Variants in NAV3 observed in about 807,000 individuals in gnomAD.
NAV3 encodes pore membrane and/or filament interacting like protein 1.
NAV3 carries 87 observed loss-of-function variants against 244.7 expected under a neutral mutation model. The ratio of observed to expected loss-of-function variants is 0.36; its 90% CI spans 0.30 to 0.42. The LOEUF (loss-of-function observed/expected upper bound fraction) is 0.42, where lower values mean the gene tolerates loss of function less well. Ranked by LOEUF, NAV3 falls within the 20% of genes least tolerant of loss-of-function variation. The pLI is 1.00. For synonymous variants in NAV3, 1,126 were observed against 1,042.2 expected (o/e 1.08, Z -1.55); for missense variants, 2,663 against 2,893.3 (o/e 0.92, Z 1.83).
chr12:77,836,558 CAG>C (rs1160219835), intron 1 of NAV3, among the ~76,000 whole-genome samples: 1 of 119,300 alleles, frequency 8.4e-6, no homozygotes, highest in Non-Finnish European at 1.5e-5. Context: ...GAGAAATAAA[CAG>C]AGAGAGTAGG....
At chr12:77,841,904 T>C (rs1000676859) in intron 1 of NAV3, among the ~76,000 whole-genome samples, 10 of 152,200 alleles carry the variant, frequency 6.6e-5, no homozygotes, top group African/African-American at 2.4e-4. Flanking sequence ...CTCTATTTCA[T>C]TGGTCAGAAC....
At chr12:77,898,806 C>A (rs1029706609) in intron 1 of NAV3, among the ~76,000 whole-genome samples, 1 of 152,196 alleles carries the variant, frequency 6.6e-6, no homozygotes, top group African/African-American at 2.4e-5. Context: ...AGTGATTCCT[C>A]TGATGGATCT....
At chr12:77,702,555 G>C (rs1450315824) in intron 2 of NAV3, among the ~76,000 whole-genome samples, 5 of 151,866 alleles carry the variant, frequency 3.3e-5, no homozygotes, top group Non-Finnish European at 7.4e-5. Context: ...CATAAAAACA[G>C]ATTTGAATTT....
At position 78,147,040 on chromosome 12, in the gene NAV3, T is replaced by C. The variant is rs1351869747; in HGVS notation, c.4707+648T>C. 2.6e-5 allele frequency among the ~76,000 whole-genome samples: 4 copies of C among 152,198 alleles called. No homozygotes were observed. In the East Asian group the frequency reaches 7.7e-4, roughly 29 times the overall value. ...CAAGGTGAGGTAATGGCTGTTTGAT[T>C]GGTTTACACTGAGGCAATCAGACAA... On this transcript the variant is annotated intron_variant, in intron 21 of 39. Coordinates refer to ENST00000397909, the MANE Select transcript of NAV3 (RefSeq NM_001024383.2).
intron 1 of NAV3, among the ~76,000 whole-genome samples, chr12:77,859,705 G>A (rs1878939949): frequency 8.4e-6 from 1 of 118,896 alleles, no homozygotes; most frequent in Non-Finnish European, 1.6e-5. Flanking sequence ...ACATGCATAG[G>A]AATGGAATCC....
chr12:77,584,306 C>T (rs1451944070), intron 2 of NAV3, among the ~76,000 whole-genome samples: 2 of 152,000 alleles, frequency 1.3e-5, no homozygotes, highest in African/African-American at 4.8e-5. Context: ...ACCATTAATT[C>T]AGCAAATGTC....
intron 2 of NAV3, among the ~76,000 whole-genome samples, chr12:77,741,629 A>C (rs1868339620): frequency 6.6e-6 from 1 of 152,144 alleles, no homozygotes; most frequent in African/African-American, 2.4e-5. Flanking sequence ...TGATAAATAG[A>C]AGATTTGCAT....
chr12:78,039,209 A>C (rs972754865), intron 9 of NAV3, among the ~76,000 whole-genome samples: 10 of 152,124 alleles, frequency 6.6e-5, no homozygotes, highest in African/African-American at 1.9e-4. Context: ...AAGTTGTTGA[A>C]TATATCTACG....
At chr12:78,094,655 A>T (rs1954136178) in intron 12 of NAV3, among the ~76,000 whole-genome samples, 1 of 152,204 alleles carries the variant, frequency 6.6e-6, no homozygotes. Context: ...AATATGATGA[A>T]CATTGAGGAA....
chr12:77,824,726 C>A (rs1372972356), intron 2 of NAV3, among the ~76,000 whole-genome samples: 1 of 151,784 alleles, frequency 6.6e-6, no homozygotes, highest in African/African-American at 2.4e-5. Context: ...AACCCTGTAT[C>A]TACTAAAAAC....
intron 2 of NAV3, among the ~76,000 whole-genome samples, chr12:77,716,040 T>C (rs995005423): frequency 6.6e-6 from 1 of 152,180 alleles, no homozygotes; most frequent in South Asian, 2.1e-4. Context: ...GTGTTAGATT[T>C]ACAATTGTGC....
At chr12:77,994,453 A>C (rs1271802130) in intron 5 of NAV3, among the ~76,000 whole-genome samples, 1 of 69,304 alleles carries the variant, frequency 1.4e-5, no homozygotes, top group Non-Finnish European at 2.7e-5. Flanking sequence ...ATGTCAGTGA[A>C]ACTTTAGTTT....
chr12:78,021,255 C>G (rs1303749470), intron 8 of NAV3, among the ~76,000 whole-genome samples: 1 of 152,000 alleles, frequency 6.6e-6, no homozygotes, highest in Non-Finnish European at 1.5e-5. Flanking sequence ...ACTTTAATTG[C>G]TCTGAAATCT....
At chr12:77,969,784 C>T (rs930022815) in intron 5 of NAV3, among the ~76,000 whole-genome samples, 13 of 152,186 alleles carry the variant, frequency 8.5e-5, no homozygotes, top group African/African-American at 2.4e-4. Context: ...GCAGAGGTTG[C>T]GGTGAGCCAA....
chr12:77,903,560 A>T (rs1462703032), intron 1 of NAV3, among the ~76,000 whole-genome samples: 2 of 152,242 alleles, frequency 1.3e-5, no homozygotes, highest in East Asian at 3.9e-4. Context: ...AACCTAGGCA[A>T]CACCATTCAG....
At chr12:78,122,551 GA>G (rs1955721268) in intron 16 of NAV3, 123 bp downstream of exon 16, 1 of 1,200,542 alleles carries the variant, frequency 8.3e-7, no homozygotes, top group South Asian at 1.7e-5. Flanking sequence ...ATGTAAGACT[GA>G]TGAAACCGGG....
intron 34 of NAV3, among the ~76,000 whole-genome samples, chr12:78,196,776 A>G (rs1425156007): frequency 6.6e-6 from 1 of 151,950 alleles, no homozygotes; most frequent in Non-Finnish European, 1.5e-5. Flanking sequence ...TAGAATTAAC[A>G]CATTAAAAAT....
intron 2 of NAV3, among the ~76,000 whole-genome samples, chr12:77,799,435 C>A (rs77835597): frequency 4.7e-4 from 71 of 152,164 alleles, no homozygotes; most frequent in African/African-American, 1.7e-3. Context: ...AGAATTATTG[C>A]CCAATTTTAA....
intron 11 of NAV3, 29 bp downstream of exon 11, chr12:78,051,176 G>A (rs1882703925): frequency 1.9e-6 from 3 of 1,578,240 alleles, no homozygotes; most frequent in South Asian, 1.2e-5. Context: ...CGTCAGCATT[G>A]TGTGAAGAGG....
Sources: allele counts gnomAD v4.1 joint callset (sites outside exome capture counted in the v4.1 genomes callset), GRCh38; gene constraint gnomAD v4.1.1; transcripts MANE v1.5; gene names NCBI Gene and HGNC (gene_info 2026-07-23, HGNC 2026-07-21).